Variants in FARS2 observed in about 807,000 individuals in gnomAD.
FARS2 encodes phenylalanine--tRNA ligase, mitochondrial.
A neutral mutation model predicts 46.4 loss-of-function variants in FARS2; 40 were observed. The observed-to-expected ratio is 0.86, with a 90% CI of 0.67 to 1.12. The LOEUF (loss-of-function observed/expected upper bound fraction) is 1.12. Among genes scored for constraint, FARS2 ranks in the 50% most tolerant of loss-of-function variants. FARS2 has a pLI of 0.00. For synonymous variants in FARS2, 234 were observed against 214.9 expected, an observed-to-expected ratio of 1.09 and a Z score of -0.78; for missense variants, 513 against 567.9, an observed-to-expected ratio of 0.90 and a Z score of 0.98.
chr6:5,536,185 G>A (rs1314002840), intron 4 of FARS2, among the ~76,000 whole-genome samples: 2 of 151,584 alleles, frequency 1.3e-5, no homozygotes, highest in Non-Finnish European at 2.9e-5. Flanking sequence ...CCAAGTAGCT[G>A]GGACTACAGG....
intron 6 of FARS2, among the ~76,000 whole-genome samples, chr6:5,703,734 G>A (rs559446004): frequency 1.3e-5 from 2 of 152,286 alleles, no homozygotes; most frequent in South Asian, 4.2e-4. Flanking sequence ...CCGTGCAAAG[G>A]TGGACACAGG....
At chr6:5,628,416 C>T (rs1776138015) in intron 6 of FARS2, among the ~76,000 whole-genome samples, 3 of 152,176 alleles carry the variant, frequency 2.0e-5, no homozygotes, top group Non-Finnish European at 2.9e-5. Context: ...ACCTCTGACC[C>T]GGGCTGTCAG....
At chr6:5,723,984 T>G (rs552669740) in intron 6 of FARS2, among the ~76,000 whole-genome samples, 29 of 113,782 alleles carry the variant, frequency 2.5e-4, no homozygotes, top group Non-Finnish European at 5.5e-4. Context: ...CGCTGGGCTG[T>G]CCACCGCACA....
At chr6:5,690,084 A>G (rs1474288185) in intron 6 of FARS2, among the ~76,000 whole-genome samples, 2 of 152,098 alleles carry the variant, frequency 1.3e-5, no homozygotes, top group South Asian at 4.2e-4. Flanking sequence ...TTTTGAGCCT[A>G]TGTGTGTCTC....
chr6:5,504,637 T>C (rs1471026395), intron 4 of FARS2, among the ~76,000 whole-genome samples: 1 of 152,148 alleles, frequency 6.6e-6, no homozygotes, highest in Non-Finnish European at 1.5e-5. Flanking sequence ...ACCAAGCTCG[T>C]ATCAAACACA....
At chr6:5,617,752 G>T (rs112379799) in intron 6 of FARS2, among the ~76,000 whole-genome samples, 1 of 152,184 alleles carries the variant, frequency 6.6e-6, no homozygotes, top group Non-Finnish European at 1.5e-5. Context: ...GTATGGAGTG[G>T]AGCAACAACA....
intron 6 of FARS2, among the ~76,000 whole-genome samples, chr6:5,688,780 C>T (rs1265391826): frequency 6.6e-6 from 1 of 152,132 alleles, no homozygotes; most frequent in Non-Finnish European, 1.5e-5. Flanking sequence ...GGAATGGTAC[C>T]AGCTCCTCCT....
At chr6:5,488,637 C>T (rs1016310759) in intron 4 of FARS2, among the ~76,000 whole-genome samples, 5 of 110,800 alleles carry the variant, frequency 4.5e-5, no homozygotes, top group African/African-American at 1.6e-4. Flanking sequence ...TTTAATGGAG[C>T]ATAAGAGTTT....
chr6:5,539,856 G>A (rs1806561), intron 4 of FARS2, among the ~76,000 whole-genome samples: 61,670 of 151,842 alleles, frequency 0.41, 15,012 homozygotes, highest in East Asian at 0.77. Context: ...GGACAGCCCA[G>A]CCTCCCCTCG....
At chr6:5,761,495 T>C (rs1036338593) in intron 6 of FARS2, among the ~76,000 whole-genome samples, 1 of 152,220 alleles carries the variant, frequency 6.6e-6, no homozygotes, top group Non-Finnish European at 1.5e-5. Context: ...GCACTTCACC[T>C]GCCACAGATC....
chr6:5,445,928 G>A (rs1033376187), intron 4 of FARS2, among the ~76,000 whole-genome samples: 3 of 152,156 alleles, frequency 2.0e-5, no homozygotes, highest in Non-Finnish European at 2.9e-5. Flanking sequence ...GGCCAGGTGC[G>A]GTGGCTCACG....
At chr6:5,560,730 A>C (rs1771935125) in intron 5 of FARS2, among the ~76,000 whole-genome samples, 1 of 152,160 alleles carries the variant, frequency 6.6e-6, no homozygotes, top group Non-Finnish European at 1.5e-5. Flanking sequence ...ATTACAATTA[A>C]ATTTTTAAAT....
At chr6:5,383,762 T>TC (rs1490261997) in intron 2 of FARS2, among the ~76,000 whole-genome samples, 2 of 147,534 alleles carry the variant, frequency 1.4e-5, no homozygotes, top group African/African-American at 5.0e-5. Context: ...CTGATCTACT[T>TC]TTTTTTTTTT....
chr6:5,663,650 G>C (rs753849948), intron 6 of FARS2, among the ~76,000 whole-genome samples: 1 of 152,296 alleles, frequency 6.6e-6, no homozygotes, highest in East Asian at 1.9e-4. Flanking sequence ...GACAAAAGTT[G>C]GTGTGGAAGA....
chr6:5,559,996 G>A (rs1445587775), intron 5 of FARS2, among the ~76,000 whole-genome samples: 1 of 152,114 alleles, frequency 6.6e-6, no homozygotes, highest in Admixed American at 6.5e-5. Context: ...ATTCCAGGGG[G>A]TTTGTAGATC....
chr6:5,529,828 A>T (rs533346548), intron 4 of FARS2, among the ~76,000 whole-genome samples: 2 of 152,270 alleles, frequency 1.3e-5, no homozygotes, highest in East Asian at 3.9e-4. Flanking sequence ...AGGTGATTGC[A>T]CCCTGGGGCT....
At chr6:5,415,461 T>G (rs978128073) in intron 3 of FARS2, among the ~76,000 whole-genome samples, 2 of 150,942 alleles carry the variant, frequency 1.3e-5, no homozygotes, top group Non-Finnish European at 3.0e-5. Context: ...GGATTACAGG[T>G]GCACGCCACC....
intron 1 of FARS2, among the ~76,000 whole-genome samples, chr6:5,286,182 C>T (rs1767099544): frequency 6.6e-6 from 1 of 152,148 alleles, no homozygotes; most frequent in Non-Finnish European, 1.5e-5. Flanking sequence ...TCAACACTGA[C>T]CCCTTGTTCC....
At chr6:5,249,998 T>C in the FARS2 span, among the ~76,000 whole-genome samples, 1 of 152,190 alleles carries the variant, frequency 6.6e-6, no homozygotes, top group Non-Finnish European at 1.5e-5. Flanking sequence ...AACAGAATGT[T>C]TTGTAATCAC....
Sources: gnomAD v4.1 joint callset for allele counts (sites outside exome capture counted in the v4.1 genomes callset) on GRCh38, gnomAD v4.1.1 for gene constraint, MANE v1.5 for transcripts, NCBI Gene and HGNC (gene_info 2026-07-23, HGNC 2026-07-21) for gene names.